CUX1: variants seen among roughly 807,000 people sequenced by gnomAD.
CUX1 encodes protein CASP.
In CUX1, 31 loss-of-function variants were observed where a neutral mutation model predicts 158.8. That is an observed-to-expected ratio of 0.20 (90% CI 0.15 to 0.26). The LOEUF (loss-of-function observed/expected upper bound fraction) is 0.26, where lower values mean the gene tolerates loss of function less well. CUX1 is among the 10% of genes least tolerant of loss of function. CUX1 has a pLI of 1.00. For missense variants in CUX1, 1,589 were observed against 2,014.6 expected, an observed-to-expected ratio of 0.79 and a Z score of 4.04; for synonymous variants, 879 against 862.1, an observed-to-expected ratio of 1.02 and a Z score of -0.34.
chr7:101,864,164 G>GTT (rs562858199), intron 1 of CUX1, among the ~76,000 whole-genome samples: 5 of 142,684 alleles, frequency 3.5e-5, no homozygotes, highest in African/African-American at 5.1e-5. Flanking sequence ...TTTCTGGATT[G>GTT]TTTTTTTTTT....
chr7:102,164,881 G>C (rs1234682723), intron 9 of CUX1, among the ~76,000 whole-genome samples: 3 of 152,098 alleles, frequency 2.0e-5, no homozygotes, highest in African/African-American at 4.8e-5. Flanking sequence ...GAGAACAAGA[G>C]ACAAAACCTG....
At chr7:101,932,182 C>T (rs1806364082) in intron 2 of CUX1, among the ~76,000 whole-genome samples, 3 of 152,232 alleles carry the variant, frequency 2.0e-5, no homozygotes, top group Admixed American at 2.0e-4. Flanking sequence ...CCCTGGGCCT[C>T]CTAACATTGA....
At chr7:101,820,646 G>A (rs954490868) in intron 1 of CUX1, among the ~76,000 whole-genome samples, 3 of 152,198 alleles carry the variant, frequency 2.0e-5, no homozygotes, top group Non-Finnish European at 4.4e-5. Flanking sequence ...GAAGCCCCGC[G>A]TTATCGCTGC....
intron 2 of CUX1, among the ~76,000 whole-genome samples, chr7:101,949,376 C>G (rs934052947): frequency 6.6e-6 from 1 of 152,014 alleles, no homozygotes. Flanking sequence ...GTGATCCGCC[C>G]GCCTAGGCCT....
Position 102,248,619 on chromosome 7 carries a change from G to A in CUX1, c.4095G>A (p.Glu1365=), listed in dbSNP as rs781812396. 2 of 1,435,226 alleles carry A rather than the reference G, an allele frequency of 1.4e-6. No homozygotes were observed. Among genetic ancestry groups the A allele is most frequent in the East Asian group, 3.2e-5 (1 of 31,232 alleles). The allele number at this position is 1,435,226 out of a possible 1,614,324, so 88.9% of individuals were successfully genotyped here. A position where few individuals can be genotyped will look rare whatever the true frequency, so the allele number is the denominator to read the frequency against. Residue 1365 remains glutamate (E), a synonymous_variant, in exon 24 of 24, where the codon GAG becomes GAA. Coordinates refer to ENST00000292535, the MANE Select transcript of CUX1 (RefSeq NM_181552.4). The surrounding 1 kb of genome is among the most constrained non-coding windows in gnomAD (Gnocchi z 5.8). ...PKSQGEAERE[E]VPRPAEQTEP... is the part of the protein sequence containing the mutation. ...CTCAGGGAGAGGCCGAGCGGGAGGA[G>A]GTGCCGCGGCCGGCGGAGCAGACGG... is the stretch of plus-strand genomic sequence containing the variant.
intron 2 of CUX1, among the ~76,000 whole-genome samples, chr7:101,919,308 G>A (rs1252168210): frequency 3.3e-5 from 5 of 152,084 alleles, no homozygotes; most frequent in African/African-American, 1.2e-4. Flanking sequence ...CTGGGTCACC[G>A]TTTGTTTGGG....
At chr7:101,959,795 G>A (rs1208139572) in intron 2 of CUX1, among the ~76,000 whole-genome samples, 1 of 152,134 alleles carries the variant, frequency 6.6e-6, no homozygotes, top group South Asian at 2.1e-4. Context: ...GGTGTTCTGC[G>A]GAGGATTTCA....
intron 1 of CUX1, among the ~76,000 whole-genome samples, chr7:101,858,551 G>T (rs781487454): frequency 2.0e-5 from 3 of 151,474 alleles, no homozygotes; most frequent in Non-Finnish European, 4.4e-5. Flanking sequence ...CAATGACTTT[G>T]TTCTTAGCAC....
At chr7:102,199,289 C>T (rs56077916) in intron 16 of CUX1, among the ~76,000 whole-genome samples, 57,303 of 152,092 alleles carry the variant, frequency 0.38, 11,161 homozygotes, top group Middle Eastern at 0.49. Context: ...ACGGACGCAT[C>T]CCACATCGTC....
rs763323114 is a variant in CUX1 at position 101,821,849 on chromosome 7, G to GTTTTTTTTTT, written c.30+4187_30+4188insTTTTTTTTTT. On this transcript the variant is annotated intron_variant, in intron 1 of 23. Coordinates refer to ENST00000292535, the MANE Select transcript of CUX1 (RefSeq NM_181552.4). ...GCCACCATGCCTGGCTAGTTTTTTT[G>GTTTTTTTTTT]TTTTTTTGTTTTTTTTTTTTTTTGA... 3.4e-4 allele frequency among the ~76,000 whole-genome samples: 24 copies of GTTTTTTTTTT among 69,782 alleles called. 1 individual carries two copies. Among genetic ancestry groups the GTTTTTTTTTT allele is most frequent in the African/African-American group, 5.2e-4 (9 of 17,202 alleles). The allele number at this position is 69,782 out of a possible 152,430, so 45.8% of individuals were successfully genotyped here.
chr7:102,273,382 G>T lies in CUX1; in HGVS notation c.1272G>T (p.Leu424=), dbSNP rs782762993. The T allele has an allele frequency of 3.7e-6, 6 of 1,612,250 alleles. No homozygotes were observed. The Admixed American group carries it at 1.0e-4, about 27-fold the overall frequency. ...TGGCCACAGGACGCTGTGCGGAGCT[G>T]CAAGTCCGTATCACTGAGGCTGTGG... Residue 424 remains leucine (L), a synonymous_variant, in exon 15 of 23, where the codon CTG becomes CTT. Coordinates refer to the CUX1 transcript ENST00000292538.
At chr7:102,152,599 C>T (rs1835809658) in intron 8 of CUX1, among the ~76,000 whole-genome samples, 3 of 152,190 alleles carry the variant, frequency 2.0e-5, no homozygotes, top group African/African-American at 4.8e-5. Context: ...ACCATGTTGG[C>T]CAAGCTAGTC....
In CUX1 at chr7:102,254,184, A is replaced by G. The variant is rs1586459527; in HGVS notation, c.*5142A>G. 2.0e-6 allele frequency: 2 copies of G among 985,454 alleles called. No homozygotes were observed. The highest frequency in any genetic ancestry group is 5.2e-4 in the Middle Eastern group (1 of 1,918). The allele number at this position is 985,454 out of a possible 1,614,324, so 61.0% of individuals were successfully genotyped here. Reference sequence around the variant, plus strand: ...TCCAGCAGCTGTTTCTTTTGCAGGCAGGGCGTGGTCTCGGGGCTCCGAGGG... The same window carrying G: ...TCCAGCAGCTGTTTCTTTTGCAGGCGGGGCGTGGTCTCGGGGCTCCGAGGG... On this transcript the variant is annotated 3_prime_UTR_variant, in exon 24 of 24. Coordinates refer to ENST00000292535, the MANE Select transcript of CUX1 (RefSeq NM_181552.4).
intron 17 of CUX1, among the ~76,000 whole-genome samples, chr7:102,276,062 G>C (rs1554547684): frequency 6.6e-6 from 1 of 150,918 alleles, no homozygotes; most frequent in Non-Finnish European, 1.5e-5. Flanking sequence ...ATTTTATTGT[G>C]CATATAGACC....
intron 1 of CUX1, among the ~76,000 whole-genome samples, chr7:101,908,523 G>C (rs1397839888): frequency 1.3e-5 from 2 of 151,966 alleles, no homozygotes; most frequent in African/African-American, 4.8e-5. Context: ...TGGCCAGGCT[G>C]GTTTTGAACT....
At chr7:102,124,833 G>A (rs999317729) in intron 8 of CUX1, among the ~76,000 whole-genome samples, 25 of 151,412 alleles carry the variant, frequency 1.7e-4, no homozygotes, top group Admixed American at 3.3e-4. Context: ...CCAGGCTGGA[G>A]TGCAGTGGCA....
chr7:101,821,222 G>T (rs1287801632), intron 1 of CUX1, among the ~76,000 whole-genome samples: 2 of 151,672 alleles, frequency 1.3e-5, no homozygotes, highest in Non-Finnish European at 2.9e-5. Flanking sequence ...CCCCAATAAT[G>T]ATATAGAATT....
rs188776036 is a variant in CUX1, at chr7:102,283,497, C to A, written c.*407C>A. ...GATCCTCTTGGGCTCTCCTAGGATC[C>A]CCCCATGCCCCGTAAGAGGTGGAAG... On this transcript the variant is annotated 3_prime_UTR_variant, in exon 23 of 23. Coordinates refer to the CUX1 transcript ENST00000292538. The A allele has an allele frequency of 4.4e-3, 860 of 197,574 alleles. 9 individuals are homozygous for A. The highest frequency in any genetic ancestry group is 0.019 in the African/African-American group (820 of 44,182). 12.2% of individuals were successfully genotyped at this position (197,574 alleles called of 1,614,324 possible).
At chr7:102,178,990 A>G (rs1404948754) in intron 11 of CUX1, among the ~76,000 whole-genome samples, 1 of 151,786 alleles carries the variant, frequency 6.6e-6, no homozygotes. Context: ...TCAGCCTCCC[A>G]TGTAGCTGGG....
Sources: allele counts gnomAD v4.1 joint callset (sites outside exome capture counted in the v4.1 genomes callset), GRCh38; gene constraint gnomAD v4.1.1; non-coding constraint Gnocchi (gnomAD v3.1); transcripts MANE v1.5; gene names NCBI Gene and HGNC (gene_info 2026-07-23, HGNC 2026-07-21).